The following NRG3 variants were observed in gnomAD, a reference collection of about 807,000 sequenced individuals.
NRG3 encodes the protein neuregulin 3, also known as pro-neuregulin-3, membrane-bound isoform.
In NRG3, 31 loss-of-function variants were observed where a neutral mutation model predicts 66.9. The ratio of observed to expected loss-of-function variants is 0.46; its 90% CI spans 0.35 to 0.63. The LOEUF (loss-of-function observed/expected upper bound fraction) is 0.63, where lower values mean the gene tolerates loss of function less well. NRG3 is among the 20% of genes least tolerant of loss of function. The probability of loss-of-function intolerance (pLI) is 0.00; values close to 1 mark genes in which losing one functional copy is unlikely to be tolerated. For synonymous variants in NRG3, 393 were observed against 359.4 expected, an observed-to-expected ratio of 1.09 and a Z score of -1.06; for missense variants, 910 against 878.9, an observed-to-expected ratio of 1.04 and a Z score of -0.45.
intron 2 of NRG3, among the ~76,000 whole-genome samples, chr10:82,384,399 T>C (rs970885427): frequency 1.3e-5 from 2 of 152,154 alleles, no homozygotes; most frequent in African/African-American, 4.8e-5. Context: ...CAGAATCCAT[T>C]AGCTATTCTT....
intron 1 of NRG3, among the ~76,000 whole-genome samples, chr10:82,147,052 T>A (rs912847780): frequency 6.6e-6 from 1 of 152,188 alleles, no homozygotes; most frequent in Admixed American, 6.5e-5. Context: ...TTTCCAGACT[T>A]TGTCAGAGTT....
intron 2 of NRG3, among the ~76,000 whole-genome samples, chr10:82,607,700 G>C (rs1256451244): frequency 6.6e-6 from 1 of 151,166 alleles, no homozygotes; most frequent in East Asian, 1.9e-4. Context: ...GCTCATAATA[G>C]AGTTCATTTT....
At position 82,542,273 on chromosome 10, in the gene NRG3, T is replaced by C. The variant is rs574825969; in HGVS notation, c.953+183405T>C. Among the ~76,000 whole-genome samples the C allele has an allele frequency of 8.7e-4, 132 of 152,308 alleles. 1 individual carries two copies. The highest frequency in any genetic ancestry group is 3.1e-3 in the African/African-American group (130 of 41,568). ...CAGACTTTTTAGAGAAATAGCTGATTACTAGACCTGGGCAGGGAAAATTCA... is the reference window on the plus strand; with the variant it reads ...CAGACTTTTTAGAGAAATAGCTGATCACTAGACCTGGGCAGGGAAAATTCA... On this transcript the variant is annotated intron_variant, in intron 2 of 8. Coordinates refer to ENST00000372141, the MANE Select transcript of NRG3 (RefSeq NM_001010848.4).
chr10:82,059,421 A>T (rs1414901205), intron 1 of NRG3, among the ~76,000 whole-genome samples: 3 of 152,146 alleles, frequency 2.0e-5, no homozygotes, highest in African/African-American at 7.2e-5. Context: ...CAAGGATGGG[A>T]GAAAAAGAAG....
intron 1 of NRG3, among the ~76,000 whole-genome samples, chr10:82,291,000 T>G (rs1383824003): frequency 6.6e-6 from 1 of 151,942 alleles, no homozygotes; most frequent in Non-Finnish European, 1.5e-5. Context: ...ATACACATTA[T>G]TTTTCTTTTG....
At chr10:82,780,483 T>TC (rs965961098) in intron 3 of NRG3, among the ~76,000 whole-genome samples, 18 of 148,934 alleles carry the variant, frequency 1.2e-4, no homozygotes, top group African/African-American at 4.4e-4. Flanking sequence ...TTCTTTTCTT[T>TC]TTTTTTTTTT....
Position 82,814,465 on chromosome 10 carries a change from C to T in NRG3, c.1028-50946C>T, listed in dbSNP as rs181586810. On this transcript the variant is annotated intron_variant, in intron 3 of 8. Transcript: ENST00000372141. ...CCAGAGGCCGCATGGGGCTTCTCCC[C>T]GAAGACTACCACTGATGAGGAAGCC... is the stretch of plus-strand genomic sequence containing the variant. 2.0e-4 allele frequency among the ~76,000 whole-genome samples: 31 copies of T among 152,238 alleles called. No homozygotes were observed. In the South Asian group the frequency reaches 3.9e-3, roughly 19 times the overall value.
chr10:82,743,228 C>T (rs1179389784), intron 3 of NRG3, among the ~76,000 whole-genome samples: 1 of 152,108 alleles, frequency 6.6e-6, no homozygotes, highest in Admixed American at 6.5e-5. Flanking sequence ...TTGGAGTCGT[C>T]TAGCCCCTCC....
chr10:82,283,700 G>T (rs1199978376), intron 1 of NRG3, among the ~76,000 whole-genome samples: 1 of 152,124 alleles, frequency 6.6e-6, no homozygotes, highest in Non-Finnish European at 1.5e-5. Context: ...AAGGAGCCTG[G>T]TGTCCAGCCT....
intron 1 of NRG3, among the ~76,000 whole-genome samples, chr10:82,336,926 C>A (rs1243879699): frequency 6.6e-6 from 1 of 152,110 alleles, no homozygotes; most frequent in Non-Finnish European, 1.5e-5. Flanking sequence ...AATATTTGTT[C>A]TGAAACAAAG....
chr10:82,463,132 T>A (rs1300814104), intron 2 of NRG3, among the ~76,000 whole-genome samples: 1 of 152,212 alleles, frequency 6.6e-6, no homozygotes, highest in Non-Finnish European at 1.5e-5. Flanking sequence ...TAATTAATCA[T>A]TAACTGGCTT....
chr10:82,957,695 A>G (rs1241395824), intron 5 of NRG3, among the ~76,000 whole-genome samples: 2 of 151,244 alleles, frequency 1.3e-5, no homozygotes, highest in South Asian at 2.1e-4. Flanking sequence ...TTGGACTGGC[A>G]CCATCCTTTC....
At chr10:82,794,663 T>G (rs1591545637) in intron 3 of NRG3, among the ~76,000 whole-genome samples, 1 of 152,284 alleles carries the variant, frequency 6.6e-6, no homozygotes, top group South Asian at 2.1e-4. Context: ...CTCAAACAGG[T>G]CTTGGGTAGA....
chr10:82,347,703 A>T (rs1456703579), intron 1 of NRG3, among the ~76,000 whole-genome samples: 1 of 152,144 alleles, frequency 6.6e-6, no homozygotes, highest in South Asian at 2.1e-4. Flanking sequence ...TGGGAGTCTA[A>T]GTCTCTTTGT....
intron 1 of NRG3, among the ~76,000 whole-genome samples, chr10:82,313,768 T>A (rs911144631): frequency 6.6e-6 from 1 of 152,190 alleles, no homozygotes; most frequent in Non-Finnish European, 1.5e-5. Context: ...TAGAGCTGAC[T>A]CCACATCCAT....
chr10:82,353,282 C>T (rs1288877137), intron 1 of NRG3, among the ~76,000 whole-genome samples: 1 of 152,098 alleles, frequency 6.6e-6, no homozygotes, highest in Non-Finnish European at 1.5e-5. Flanking sequence ...TAGAAACCTC[C>T]GTAAGTAATA....
At chr10:82,745,537 T>G (rs1456412253) in intron 3 of NRG3, among the ~76,000 whole-genome samples, 1 of 152,134 alleles carries the variant, frequency 6.6e-6, no homozygotes, top group Non-Finnish European at 1.5e-5. Flanking sequence ...AATCTGTCAC[T>G]CTTATTACCG....
chr10:82,436,235 T>C lies in NRG3; in HGVS notation c.953+77367T>C, dbSNP rs990680649. Reference sequence around the variant, plus strand: ...TCTGGGTGCTCCTGTATTGGGTACATACATATTTAGAACAGTTAGCTCTTC... The same window carrying C: ...TCTGGGTGCTCCTGTATTGGGTACACACATATTTAGAACAGTTAGCTCTTC... On this transcript the variant is annotated intron_variant, in intron 2 of 8. Coordinates refer to ENST00000372141, the MANE Select transcript of NRG3 (RefSeq NM_001010848.4). Among the ~76,000 whole-genome samples the C allele has an allele frequency of 2.7e-4, 41 of 152,202 alleles. 1 individual carries two copies. Among genetic ancestry groups the C allele is most frequent in the African/African-American group, 8.7e-4 (36 of 41,456 alleles).
chr10:82,054,805 A>G (rs1256604446), intron 1 of NRG3, among the ~76,000 whole-genome samples: 1 of 152,052 alleles, frequency 6.6e-6, no homozygotes, highest in Non-Finnish European at 1.5e-5. Flanking sequence ...CACGAGTTAG[A>G]GACCAGCCTA....
Sources: allele counts gnomAD v4.1 joint callset (sites outside exome capture counted in the v4.1 genomes callset), GRCh38; gene constraint gnomAD v4.1.1; transcripts MANE v1.5; gene names NCBI Gene and HGNC (gene_info 2026-07-23, HGNC 2026-07-21).